EVC2: variants seen among roughly 807,000 people sequenced by gnomAD.
The protein encoded by EVC2 is limbin.
A neutral mutation model predicts 149.3 loss-of-function variants in EVC2; 148 were observed. That is an observed-to-expected ratio of 0.99 (90% CI 0.87 to 1.14). EVC2 has a LOEUF of 1.14. Among genes scored for constraint, EVC2 ranks in the 50% most tolerant of loss-of-function variants. The pLI, the probability that EVC2 is intolerant of heterozygous loss-of-function variation, is 0.00. For missense variants in EVC2, 1,854 were observed against 1,627.3 expected, an observed-to-expected ratio of 1.14 and a Z score of -2.40; for synonymous variants, 776 against 649.9, an observed-to-expected ratio of 1.19 and a Z score of -2.95.
At chr4:5,536,934 G>A in the EVC2 span, among the ~76,000 whole-genome samples, 115 of 152,288 alleles carry the variant, frequency 7.6e-4, 1 homozygote, top group African/African-American at 2.6e-3. Flanking sequence ...TGTATGAGAA[G>A]ATGATATCCC....
chr4:5,621,032 T>C (rs1040502520), intron 14 of EVC2, among the ~76,000 whole-genome samples: 2 of 152,074 alleles, frequency 1.3e-5, no homozygotes, highest in African/African-American at 2.4e-5. Context: ...CTAACAAGGA[T>C]TAAAAAATAA....
Position 5,708,504 on chromosome 4 carries a change from A to T in EVC2, c.10T>A (p.Ser4Thr). 6.8e-7 allele frequency: 1 copy of T among 1,476,408 alleles called. No homozygotes were observed. The highest frequency in any genetic ancestry group is 1.3e-5 in the South Asian group (1 of 77,260). 91.5% of individuals were successfully genotyped at this position (1,476,408 alleles called of 1,614,324 possible). ...CACGTGGGGCGCCCCCGGGAGCCCG[A>T]GGGGTCCATCGCCTGTCGGGACCCG... MDP[S>T]GSRGRPTWVL... Residue 4 changes from serine to threonine, a missense_variant, in exon 1 of 22, where the codon TCG (serine) becomes ACG (threonine). Ser to Thr is a moderately conservative substitution (Grantham distance 58). Transcript: ENST00000344408.
Position 5,625,307 on chromosome 4 carries a change from TACACACAC to T in EVC2, c.2046+434_2046+441del, listed in dbSNP as rs71171407. Among the ~76,000 whole-genome samples, 3,777 of 139,868 alleles carry T rather than the reference TACACACAC, an allele frequency of 0.027. 151 individuals are homozygous for T. The highest frequency in any genetic ancestry group is 0.089 in the African/African-American group (3,442 of 38,626). 91.8% of individuals were successfully genotyped at this position (139,868 alleles called of 152,430 possible). ...CTTACTAGATATTTGACCTTGACCA[TACACACAC>T]ACACACACACACACACACACACACA... On this transcript the variant is annotated intron_variant, in intron 13 of 21. Transcript: ENST00000344408. The surrounding 1 kb of genome is among the most constrained non-coding windows in gnomAD (Gnocchi z 4.0).
At chr4:5,697,236 G>GT (rs1721532564) in intron 2 of EVC2, among the ~76,000 whole-genome samples, 1 of 152,220 alleles carries the variant, frequency 6.6e-6, no homozygotes, top group Non-Finnish European at 1.5e-5. Flanking sequence ...TTCCAGTACT[G>GT]TAAGAGAATA....
intron 16 of EVC2, among the ~76,000 whole-genome samples, chr4:5,592,269 G>T (rs1021741074): frequency 6.6e-6 from 1 of 152,184 alleles, no homozygotes; most frequent in African/African-American, 2.4e-5. Flanking sequence ...AGGAATGCTG[G>T]CTCCCAGAGA....
rs1721101744 is a variant in EVC2, at chr4:5,691,251, C to T, written c.519+14G>A. The T allele has an allele frequency of 6.2e-7, 1 of 1,610,020 alleles. No homozygotes were observed. Among genetic ancestry groups the T allele is most frequent in the Non-Finnish European group, 8.5e-7 (1 of 1,176,442 alleles). On this transcript the variant is annotated intron_variant, in intron 4 of 21. Transcript: ENST00000344408. ...TATTTTCTCTTCAAATATACACCAC[C>T]AGTGGAAACTTACCAGTGCACATTT...
At chr4:5,631,741 T>C (rs1716549198) in intron 11 of EVC2, 52 bp downstream of exon 11, 1 of 1,608,498 alleles carries the variant, frequency 6.2e-7, no homozygotes, top group African/African-American at 1.3e-5. Context: ...AGACATTTAC[T>C]GAAACAATTC....
chr4:5,678,797 G>A (rs80005049), intron 7 of EVC2, among the ~76,000 whole-genome samples: 10,883 of 152,180 alleles, frequency 0.072, 455 homozygotes, highest in East Asian at 0.19. Flanking sequence ...TTGGGAGGCC[G>A]AGGTGGCCGG....
intron 17 of EVC2, among the ~76,000 whole-genome samples, chr4:5,583,585 G>T (rs111276802): frequency 9.2e-5 from 14 of 151,874 alleles, no homozygotes; most frequent in Non-Finnish European, 2.9e-5. Context: ...TTGGTGATTT[G>T]CATTTTTCTA....
intron 16 of EVC2, among the ~76,000 whole-genome samples, chr4:5,611,060 G>A (rs58619373): frequency 0.077 from 11,751 of 152,072 alleles, 1,440 homozygotes; most frequent in African/African-American, 0.27. Flanking sequence ...CATTGTGTGT[G>A]CCCTCTGCAT....
intron 19 of EVC2, among the ~76,000 whole-genome samples, chr4:5,572,805 G>C (rs1460185661): frequency 6.6e-6 from 1 of 152,116 alleles, no homozygotes; most frequent in Admixed American, 6.5e-5. Flanking sequence ...GATAAAGGTG[G>C]GGGAATCAAA....
downstream of EVC2, among the ~76,000 whole-genome samples, chr4:5,559,112 A>T (rs984926957): frequency 6.6e-6 from 1 of 152,168 alleles, no homozygotes; most frequent in Non-Finnish European, 1.5e-5. This position sits in a 1 kb window ranked among gnomAD's most constrained non-coding sequence, Gnocchi z 5.0. Context: ...TGGGAGGTTG[A>T]GGTATGAGGA....
intron 8 of EVC2, among the ~76,000 whole-genome samples, chr4:5,663,690 G>A (rs533863715): frequency 6.6e-6 from 1 of 152,316 alleles, no homozygotes; most frequent in East Asian, 1.9e-4. Context: ...GGAGGCTGAG[G>A]TGGATGGATC....
rs373807024 is a variant in EVC2, at chr4:5,637,879, C to T, written c.1470+2635G>A. On this transcript the variant is annotated intron_variant, in intron 10 of 21. Transcript: ENST00000344408. The surrounding 1 kb of genome is among the most constrained non-coding windows in gnomAD (Gnocchi z 4.4). ...AATCAGACAGCCTTTCTGTAAGGGG[C>T]CATATTTTAGAGTTTGTCACCTGAG... Among the ~76,000 whole-genome samples the T allele has an allele frequency of 6.6e-6, 1 of 150,860 alleles. No homozygotes were observed. The highest frequency in any genetic ancestry group is 2.4e-5 in the African/African-American group (1 of 41,000).
chr4:5,603,673 G>A (rs780896749), intron 16 of EVC2, among the ~76,000 whole-genome samples: 1 of 152,198 alleles, frequency 6.6e-6, no homozygotes, highest in Admixed American at 6.5e-5. Context: ...CTAGTGAATG[G>A]TGCATGCACG....
chr4:5,541,373 C>G (rs1003203978), downstream of EVC2, among the ~76,000 whole-genome samples: 4 of 152,096 alleles, frequency 2.6e-5, no homozygotes, highest in African/African-American at 9.7e-5. Flanking sequence ...CCAGTGGTGA[C>G]GAACACAGTG....
At position 5,584,607 on chromosome 4, in the gene EVC2, C is replaced by T. The variant is rs1450126225; in HGVS notation, c.3057+16G>A. 6.2e-7 allele frequency: 1 copy of T among 1,609,576 alleles called. No homozygotes were observed. The highest frequency in any genetic ancestry group is 1.3e-5 in the African/African-American group (1 of 74,914). On this transcript the variant is annotated intron_variant, in intron 17 of 21. Coordinates refer to ENST00000344408, the MANE Select transcript of EVC2 (RefSeq NM_147127.5). ...CCCAGCTCTGTCCCCCTCTCCTTCC[C>T]AGCGCCTGCACTCACCCGGCTGTGC... is the stretch of plus-strand genomic sequence containing the variant.
intron 5 of EVC2, among the ~76,000 whole-genome samples, chr4:5,688,284 C>G (rs7696114): frequency 0.36 from 54,977 of 151,864 alleles, 10,195 homozygotes; most frequent in Non-Finnish European, 0.4. Context: ...CGATGTGTGC[C>G]GTGAGTACGG....
chr4:5,538,257 G>C (rs376719505), downstream of EVC2, among the ~76,000 whole-genome samples: 12 of 152,108 alleles, frequency 7.9e-5, no homozygotes, highest in East Asian at 2.3e-3. Context: ...ATTCCTTAAA[G>C]TACATACATT....
Sources: gnomAD v4.1 joint callset for allele counts (sites outside exome capture counted in the v4.1 genomes callset) on GRCh38, gnomAD v4.1.1 for gene constraint, Gnocchi (gnomAD v3.1) non-coding constraint, MANE v1.5 for transcripts, NCBI Gene and HGNC (gene_info 2026-07-23, HGNC 2026-07-21) for gene names.